PIEZO2: variants seen among roughly 807,000 people sequenced by gnomAD.
The protein encoded by PIEZO2 is piezo-type mechanosensitive ion channel component 2.
Under a neutral mutation model 337.3 loss-of-function variants are expected in PIEZO2, and 172 were observed. That is an observed-to-expected ratio of 0.51 (90% CI 0.45 to 0.58). The LOEUF (loss-of-function observed/expected upper bound fraction) is 0.58, where lower values mean the gene tolerates loss of function less well. Ranked by LOEUF, PIEZO2 falls within the 20% of genes least tolerant of loss-of-function variation. The pLI is 0.00. For synonymous variants in PIEZO2, 1,251 were observed against 1,228.5 expected (o/e 1.02, Z -0.38); for missense variants, 3,028 against 3,391.3 (o/e 0.89, Z 2.66).
At chr18:10,941,065 T>G (rs910605839) in intron 3 of PIEZO2, among the ~76,000 whole-genome samples, 3 of 152,146 alleles carry the variant, frequency 2.0e-5, no homozygotes, top group Non-Finnish European at 4.4e-5. Flanking sequence ...ATCAATTGTC[T>G]CAAAATTTAA....
rs187833465 is a variant in PIEZO2 at position 11,085,765 on chromosome 18, T to C, written c.65-19543A>G. On this transcript the variant is annotated intron_variant, in intron 1 of 55. Coordinates refer to ENST00000674853, the MANE Select transcript of PIEZO2 (RefSeq NM_001378183.1). ...AACACCAGATATCACTATGAAAATA[T>C]AGAAAAAAAATTTTTTTTAAAGCTT... Among the ~76,000 whole-genome samples, 23 of 149,332 alleles carry C rather than the reference T, an allele frequency of 1.5e-4. 1 individual carries two copies. In the East Asian group the frequency reaches 2.2e-3, roughly 14 times the overall value.
chr18:11,010,703 C>T (rs774698448), intron 2 of PIEZO2, among the ~76,000 whole-genome samples: 46 of 152,288 alleles, frequency 3.0e-4, no homozygotes, highest in Non-Finnish European at 5.4e-4. Context: ...TATTCAGGAA[C>T]ATCCAGGGGT....
At chr18:10,881,125 A>G (rs1308796395) in intron 4 of PIEZO2, among the ~76,000 whole-genome samples, 1 of 151,904 alleles carries the variant, frequency 6.6e-6, no homozygotes, top group Non-Finnish European at 1.5e-5. Context: ...TGTTTCTGTG[A>G]AATTAGGTAC....
intron 2 of PIEZO2, among the ~76,000 whole-genome samples, chr18:11,060,372 T>C (rs1339276481): frequency 2.3e-4 from 35 of 152,058 alleles, no homozygotes; most frequent in Non-Finnish European, 4.9e-4. Flanking sequence ...GCAAACACAT[T>C]CAAAAGCTAG....
rs2042856309 is a variant in PIEZO2, at chr18:10,895,024, T to A, written c.329+16162A>T. On this transcript the variant is annotated intron_variant, in intron 4 of 55. Transcript: ENST00000674853. This position sits in a 1 kb window ranked among gnomAD's most constrained non-coding sequence, Gnocchi z 4.8. The stretch of plus-strand genomic sequence containing the variant: ...GAGTCTGTAATGAAGAATTTGCCCG[T>A]GCTCTTGCATGGTCATTCCTCCCCC... 6.6e-6 allele frequency among the ~76,000 whole-genome samples: 1 copy of A among 152,368 alleles called. No individual in the cohort carries two copies. The highest frequency in any genetic ancestry group is 2.1e-4 in the South Asian group (1 of 4,830).
At chr18:10,839,254 C>T (rs2041114477) in intron 7 of PIEZO2, among the ~76,000 whole-genome samples, 1 of 152,158 alleles carries the variant, frequency 6.6e-6, no homozygotes, top group Non-Finnish European at 1.5e-5. Flanking sequence ...TGATATTTTT[C>T]AAAGTACCAG....
In PIEZO2 at chr18:10,773,628, G is replaced by A; in HGVS notation, c.2569C>T (p.Leu857=). ...GGGAGGCTTCCTTCCGGGTGGGCCA[G>A]TCTGTTGGCAGAGAGCAGCTGAGTC... ...KKKLPIHQNE[L]AHPEGSLPDL... The change falls in exon 20 of 56, where the codon CTG becomes TTG. Residue 857 remains leucine (L), a splice_region_variant and synonymous_variant. Transcript: ENST00000674853. The surrounding 1 kb of genome is among the most constrained non-coding windows in gnomAD (Gnocchi z 5.3). 1 of 1,537,242 alleles carries A rather than the reference G, an allele frequency of 6.5e-7. No individual in the cohort carries two copies. The highest frequency in any genetic ancestry group is 8.7e-7 in the Non-Finnish European group (1 of 1,146,920).
rs2035584269 is a variant in PIEZO2 at position 11,002,653 on chromosome 18, T to A, written c.161-22993A>T. Among the ~76,000 whole-genome samples the A allele has an allele frequency of 6.6e-6, 1 of 152,230 alleles. No homozygotes were observed. Among genetic ancestry groups the A allele is most frequent in the Non-Finnish European group, 1.5e-5 (1 of 68,032 alleles). ...GATATGCCTAATATTCTTAATATTA[T>A]GAGACAGTTGCTTTGTTGCAATGTT... On this transcript the variant is annotated intron_variant, in intron 2 of 55. Transcript: ENST00000674853. The surrounding 1 kb of genome is among the most constrained non-coding windows in gnomAD (Gnocchi z 4.3).
chr18:10,864,911 G>C (rs1179362499), intron 5 of PIEZO2, among the ~76,000 whole-genome samples: 1 of 152,150 alleles, frequency 6.6e-6, no homozygotes, highest in Admixed American at 6.5e-5. Flanking sequence ...GACAAGAGTG[G>C]GGAGAAGAGC....
rs191406713 is a variant in PIEZO2 at position 11,116,351 on chromosome 18, G to A, written c.64+32174C>T. On this transcript the variant is annotated intron_variant, in intron 1 of 55. Transcript: ENST00000674853. The surrounding 1 kb of genome is among the most constrained non-coding windows in gnomAD (Gnocchi z 5.0). ...ATATGTGCAAGGGGCTCTTGAGGAG[G>A]AAGCTGCCCAACGGTGTGAAAATGC... Among the ~76,000 whole-genome samples the A allele has an allele frequency of 5.9e-5, 9 of 152,284 alleles. No individual in the cohort carries two copies. Among genetic ancestry groups the A allele is most frequent in the Non-Finnish European group, 1.2e-4 (8 of 68,014 alleles).
In PIEZO2 at chr18:10,746,279, G is replaced by A. The variant is rs577790558; in HGVS notation, c.4425-2048C>T. On this transcript the variant is annotated intron_variant, in intron 30 of 55. Transcript: ENST00000674853. The surrounding 1 kb of genome is among the most constrained non-coding windows in gnomAD (Gnocchi z 4.2). ...GTATTTCTAAAGACATATCTGGGCT[G>A]ATAGCCCCCTGAGGACCTGGCCTCT... Among the ~76,000 whole-genome samples the A allele has an allele frequency of 6.6e-6, 1 of 152,316 alleles. No homozygotes were observed. The highest frequency in any genetic ancestry group is 1.9e-4 in the East Asian group (1 of 5,180).
chr18:11,116,781 A>T lies in PIEZO2; in HGVS notation c.64+31744T>A, dbSNP rs1433327663. Among the ~76,000 whole-genome samples the T allele has an allele frequency of 6.6e-6, 1 of 151,972 alleles. No homozygotes were observed. The highest frequency in any genetic ancestry group is 2.4e-5 in the African/African-American group (1 of 41,370). On this transcript the variant is annotated intron_variant, in intron 1 of 55. Transcript: ENST00000674853. The surrounding 1 kb of genome is among the most constrained non-coding windows in gnomAD (Gnocchi z 5.0). Reference sequence around the variant, plus strand: ...TGAATGTTACTCCATCTAACTGTATAGCACAGTAGGGTGACTATAGTTAAC... The same window carrying T: ...TGAATGTTACTCCATCTAACTGTATTGCACAGTAGGGTGACTATAGTTAAC...
chr18:10,939,079 C>CAAAA (rs113892869), intron 3 of PIEZO2, among the ~76,000 whole-genome samples: 4 of 111,032 alleles, frequency 3.6e-5, no homozygotes, highest in Admixed American at 9.2e-5. Context: ...AAAAACAAAA[C>CAAAA]AAAAAAAAAA....
At chr18:10,754,133 T>C (rs1476226844) in intron 27 of PIEZO2, among the ~76,000 whole-genome samples, 2 of 152,258 alleles carry the variant, frequency 1.3e-5, no homozygotes, top group African/African-American at 4.8e-5. Context: ...CCTTCACACC[T>C]TGGCACTGAA....
In PIEZO2 at chr18:10,689,646, G is replaced by T. The variant is rs754525874; in HGVS notation, c.7497+9C>A. The T allele has an allele frequency of 6.2e-7, 1 of 1,614,104 alleles. No individual in the cohort carries two copies. The highest frequency in any genetic ancestry group is 1.3e-5 in the African/African-American group (1 of 75,038). Reference sequence around the variant, plus strand: ...AGACAGGAATAAGGCACATCTCCTGGCTTCTTACCTTCTCCGACTCCCGCC... The same window carrying T: ...AGACAGGAATAAGGCACATCTCCTGTCTTCTTACCTTCTCCGACTCCCGCC... On this transcript the variant is annotated intron_variant, in intron 49 of 55. Transcript: ENST00000674853.
chr18:10,728,962 A>G (rs1435207928), intron 36 of PIEZO2, among the ~76,000 whole-genome samples: 1 of 149,832 alleles, frequency 6.7e-6, no homozygotes, highest in African/African-American at 2.5e-5. Context: ...CTCAAAAAAA[A>G]AAAAAAAAAA....
intron 27 of PIEZO2, among the ~76,000 whole-genome samples, chr18:10,753,090 G>T (rs763013494): frequency 2.6e-5 from 4 of 152,070 alleles, no homozygotes; most frequent in Admixed American, 6.5e-5. Flanking sequence ...TATGCTTCTC[G>T]TCACCTTATT....
chr18:10,976,103 A>C (rs1310713458), intron 3 of PIEZO2, among the ~76,000 whole-genome samples: 3 of 152,226 alleles, frequency 2.0e-5, no homozygotes, highest in Non-Finnish European at 4.4e-5. Flanking sequence ...TCTAAATTAA[A>C]AGTCAGTGTT....
chr18:11,111,512 G>A lies in PIEZO2; in HGVS notation c.64+37013C>T, dbSNP rs1183616458. Among the ~76,000 whole-genome samples the A allele has an allele frequency of 6.6e-6, 1 of 152,186 alleles. No homozygotes were observed. The highest frequency in any genetic ancestry group is 2.4e-5 in the African/African-American group (1 of 41,446). On this transcript the variant is annotated intron_variant, in intron 1 of 55. Transcript: ENST00000674853. The surrounding 1 kb of genome is among the most constrained non-coding windows in gnomAD (Gnocchi z 6.2). ...CTGGAGAAGCATGCACCACCCAGTG[G>A]CCAGGGCCCTCCAAATCTGTGATGC...
Sources: allele counts gnomAD v4.1 joint callset (sites outside exome capture counted in the v4.1 genomes callset), GRCh38; gene constraint gnomAD v4.1.1; non-coding constraint Gnocchi (gnomAD v3.1); transcripts MANE v1.5; gene names NCBI Gene and HGNC (gene_info 2026-07-23, HGNC 2026-07-21).